RPN1: variants seen among roughly 807,000 people sequenced by gnomAD.
RPN1 encodes the protein ribophorin I, also known as dolichyl-diphosphooligosaccharide--protein glycosyltransferase subunit 1.
Under a neutral mutation model 55.5 loss-of-function variants are expected in RPN1, and 12 were observed. The ratio of observed to expected loss-of-function variants is 0.22; its 90% CI spans 0.14 to 0.35. RPN1 has a LOEUF of 0.35. RPN1 is among the 10% of genes least tolerant of loss of function. The pLI is 1.00. For missense variants in RPN1, 679 were observed against 761.3 expected (o/e 0.89, Z 1.27); for synonymous variants, 317 against 305.9 (o/e 1.04, Z -0.38).
intron 9 of RPN1, among the ~76,000 whole-genome samples, chr3:128,621,046 T>C (rs1001055526): frequency 2.6e-5 from 4 of 152,140 alleles, no homozygotes; most frequent in Admixed American, 6.5e-5. Flanking sequence ...GTACGTCACA[T>C]TGAGGACTGG....
chr3:128,650,712 G>C lies in RPN1; in HGVS notation c.89C>G (p.Pro30Arg). The C allele has an allele frequency of 6.4e-7, 1 of 1,567,384 alleles. No individual in the cohort carries two copies. Among genetic ancestry groups the C allele is most frequent in the South Asian group, 1.2e-5 (1 of 85,460 alleles). Residue 30 changes from proline (P) to arginine (R), a missense_variant, in exon 1 of 10, where the codon CCG (proline) becomes CGG (arginine). Physicochemically the swap from Pro to Arg is moderately radical, Grantham distance 103. Coordinates refer to ENST00000296255, the MANE Select transcript of RPN1 (RefSeq NM_002950.4). ...APGSASSEAP[P>R]LINEDVKRTV... Reference sequence around the variant, plus strand: ...GCGCTTCACGTCCTCATTGATCAGCGGCGGTGCCTCGGAGGAGGCGCTGCC... The same window carrying C: ...GCGCTTCACGTCCTCATTGATCAGCCGCGGTGCCTCGGAGGAGGCGCTGCC...
chr3:128,634,327 A>T (rs1365180275), intron 3 of RPN1, among the ~76,000 whole-genome samples: 2 of 151,306 alleles, frequency 1.3e-5, no homozygotes, highest in Non-Finnish European at 2.9e-5. Flanking sequence ...CCCTGTCTTA[A>T]GGAAAAAAAA....
chr3:128,629,326 C>T (rs990998055), intron 5 of RPN1, among the ~76,000 whole-genome samples: 35 of 151,996 alleles, frequency 2.3e-4, no homozygotes, highest in African/African-American at 7.7e-4. Context: ...TTTGGGAGGC[C>T]GAGGCCTGTG....
chr3:128,620,653 C>T, intron 9 of RPN1, 60 bp from the exon 10 acceptor site: 2 of 1,543,290 alleles, frequency 1.3e-6, no homozygotes, highest in Non-Finnish European at 8.8e-7. Context: ...ACTCAGCAGG[C>T]CCCACCATCT....
At chr3:128,643,901 C>T (rs541031934) in intron 2 of RPN1, among the ~76,000 whole-genome samples, 2 of 152,226 alleles carry the variant, frequency 1.3e-5, no homozygotes, top group Non-Finnish European at 2.9e-5. Context: ...CACCACTGCA[C>T]TCCAGCCTGG....
At chr3:128,650,235 C>G (rs950789441) in intron 1 of RPN1, among the ~76,000 whole-genome samples, 1 of 152,186 alleles carries the variant, frequency 6.6e-6, no homozygotes, top group African/African-American at 2.4e-5. Flanking sequence ...AGCTCCGAGG[C>G]TGGTCGGCCG....
chr3:128,632,132 T>C lies in RPN1; in HGVS notation c.659A>G (p.Asn220Ser), dbSNP rs765162052. The C allele has an allele frequency of 5.6e-6, 9 of 1,614,210 alleles. No homozygotes were observed. The Admixed American group carries it at 1.3e-4, about 24-fold the overall frequency. ...SQDTFKVHYE[N>S]NSPFLTITSM... ...GGTGATGGTCAGGAAAGGGCTGTTGTTCTCATAATGTACTTTAAAAGTATC... is the reference window on the plus strand; with the variant it reads ...GGTGATGGTCAGGAAAGGGCTGTTGCTCTCATAATGTACTTTAAAAGTATC... Residue 220 changes from asparagine to serine, a missense_variant, in exon 4 of 10, where the codon AAC becomes AGC. By Grantham distance (46) the Asn-to-Ser change is conservative. Around this residue, in one of 3 missense-constraint regions of RPN1, gnomAD observed 352 missense variants for 352.8 expected, o/e 1.00. Transcript: ENST00000296255.
chr3:128,639,948 T>C (rs1392631312), intron 2 of RPN1, among the ~76,000 whole-genome samples: 1 of 152,118 alleles, frequency 6.6e-6, no homozygotes, highest in Non-Finnish European at 1.5e-5. Context: ...AAGCTACTAA[T>C]ATTTTAAAGA....
intron 2 of RPN1, among the ~76,000 whole-genome samples, 179 bp from the exon 3 acceptor site, chr3:128,638,284 C>T (rs1467431864): frequency 3.3e-5 from 5 of 151,878 alleles, no homozygotes; most frequent in African/African-American, 7.3e-5. Context: ...TGCAATGGTG[C>T]GATCTCGGCT....
chr3:128,642,680 A>ACCGAGACT (rs2069734874), intron 2 of RPN1: 1 of 152,366 alleles, frequency 6.6e-6, no homozygotes, highest in East Asian at 1.9e-4. Flanking sequence ...TGGGTGACAG[A>ACCGAGACT]CCGAGACTCC....
chr3:128,635,314 T>C (rs2069669017), intron 3 of RPN1, among the ~76,000 whole-genome samples: 2 of 151,990 alleles, frequency 1.3e-5, no homozygotes, highest in African/African-American at 4.8e-5. Flanking sequence ...TTATTTTTTT[T>C]TTTTGGAGAC....
intron 2 of RPN1, among the ~76,000 whole-genome samples, chr3:128,638,403 T>G (rs1300154236): frequency 6.6e-6 from 1 of 152,190 alleles, no homozygotes; most frequent in Non-Finnish European, 1.5e-5. Flanking sequence ...TGTTGAACAT[T>G]TACACTGTTT....
chr3:128,639,363 A>G (rs2069707595), intron 2 of RPN1, among the ~76,000 whole-genome samples: 1 of 149,732 alleles, frequency 6.7e-6, no homozygotes, highest in African/African-American at 2.4e-5. Context: ...CTGGGGCAGG[A>G]GAATGATGTG....
chr3:128,640,656 T>G (rs1307637021), intron 2 of RPN1, among the ~76,000 whole-genome samples: 4 of 152,204 alleles, frequency 2.6e-5, no homozygotes, highest in Non-Finnish European at 5.9e-5. Context: ...TTAATACCAC[T>G]GCCATCTGAT....
chr3:128,637,968 A>T lies in RPN1; in HGVS notation c.464T>A (p.Val155Glu), dbSNP rs762662133. ...QITQSEKQFV[V>E]FEGNHYFYSP... ...GTAGAAATAATGGTTCCCCTCAAAC[A>T]CCACAAACTGTTTCTCTGACTGGGT... The change falls in exon 3 of 10, where the codon GTG (valine) becomes GAG (glutamate). Residue 155 changes from valine (V) to glutamate (E), a missense_variant. Around this residue, in one of 3 missense-constraint regions of RPN1, gnomAD observed 352 missense variants for 352.8 expected, o/e 1.00. Coordinates refer to ENST00000296255, the MANE Select transcript of RPN1 (RefSeq NM_002950.4). 2.5e-6 allele frequency: 4 copies of T among 1,614,088 alleles called. No individual in the cohort carries two copies. Among genetic ancestry groups the T allele is most frequent in the Non-Finnish European group, 2.5e-6 (3 of 1,180,046 alleles).
At chr3:128,627,244 C>G (rs1560021173) in intron 5 of RPN1, 2 of 213,452 alleles carry the variant, frequency 9.4e-6, no homozygotes, top group Non-Finnish European at 1.9e-5. Flanking sequence ...TGCAGAAGGT[C>G]TACGAGTCTG....
At chr3:128,646,354 C>G (rs2069768759) in intron 1 of RPN1, among the ~76,000 whole-genome samples, 1 of 151,846 alleles carries the variant, frequency 6.6e-6, no homozygotes, top group African/African-American at 2.4e-5. Flanking sequence ...CACGAGATAC[C>G]ACGCCCAGCC....
intron 1 of RPN1, among the ~76,000 whole-genome samples, chr3:128,646,380 A>G (rs1395367058): frequency 6.6e-6 from 1 of 151,718 alleles, no homozygotes; most frequent in East Asian, 2.0e-4. Context: ...CTGTTTCTTC[A>G]CTAATATAAA....
chr3:128,621,887 C>G (rs2069562632), intron 9 of RPN1, among the ~76,000 whole-genome samples: 1 of 152,198 alleles, frequency 6.6e-6, no homozygotes, highest in Non-Finnish European at 1.5e-5. Flanking sequence ...AACAGTCTGG[C>G]CTCCAGGAGA....
Sources: allele counts gnomAD v4.1 joint callset (sites outside exome capture counted in the v4.1 genomes callset), GRCh38; gene constraint gnomAD v4.1.1; regional missense constraint gnomAD v4.1.1; transcripts MANE v1.5; gene names NCBI Gene and HGNC (gene_info 2026-07-23, HGNC 2026-07-21).